Variants in CENPU observed in about 807,000 individuals in gnomAD.
CENPU encodes the protein centromere protein U.
A neutral mutation model predicts 56.7 loss-of-function variants in CENPU; 46 were observed. The observed-to-expected ratio is 0.81, with a 90% CI of 0.64 to 1.04. CENPU has a LOEUF of 1.04. Ranked by LOEUF, CENPU falls within the 50% of genes least tolerant of loss-of-function variation. The pLI is 0.00. For missense variants in CENPU, 510 were observed against 490.1 expected (o/e 1.04, Z -0.38); for synonymous variants, 166 against 163.0 (o/e 1.02, Z -0.14).
chr4:184,726,988 G>C (rs58694251), intron 3 of CENPU, among the ~76,000 whole-genome samples: 1 of 127,278 alleles, frequency 7.9e-6, no homozygotes, highest in Non-Finnish European at 1.7e-5. Flanking sequence ...GGGGGGGGGC[G>C]CCTGGAATCC....
intron 12 of CENPU, 52 bp downstream of exon 12, chr4:184,697,595 G>A: frequency 6.5e-7 from 1 of 1,541,772 alleles, no homozygotes; most frequent in Non-Finnish European, 8.9e-7. Context: ...GCATGAAAAT[G>A]CCCTCCCACA....
At position 184,694,363 on chromosome 4, in the gene CENPU, T is replaced by G; in HGVS notation, c.*925A>C. On this transcript the variant is annotated 3_prime_UTR_variant, in exon 13 of 13. Transcript: ENST00000281453. ...AGCAACGTTTGAATCAGTGCACTCATTCCCACGGTGAGATATCGGAGACAG... is the reference window on the plus strand; with the variant it reads ...AGCAACGTTTGAATCAGTGCACTCAGTCCCACGGTGAGATATCGGAGACAG... 1 of 1,407,788 alleles carries G rather than the reference T, an allele frequency of 7.1e-7. No individual in the cohort carries two copies. The highest frequency in any genetic ancestry group is 2.4e-4 in the Middle Eastern group (1 of 4,198). The allele number at this position is 1,407,788 out of a possible 1,614,324, so 87.2% of individuals were successfully genotyped here. A position where few individuals can be genotyped will look rare whatever the true frequency, so the allele number is the denominator to read the frequency against.
At chr4:184,706,450 A>C (rs1195974557) in intron 8 of CENPU, among the ~76,000 whole-genome samples, 2 of 152,248 alleles carry the variant, frequency 1.3e-5, no homozygotes, top group African/African-American at 4.8e-5. Context: ...GATGGTCTAC[A>C]CAAGACAGCT....
chr4:184,702,733 C>T (rs941806748), intron 8 of CENPU, among the ~76,000 whole-genome samples: 1 of 152,120 alleles, frequency 6.6e-6, no homozygotes, highest in African/African-American at 2.4e-5. Context: ...GTCTCTCTTC[C>T]CTCTAGGAGT....
At chr4:184,704,433 T>C (rs557414891) in intron 8 of CENPU, among the ~76,000 whole-genome samples, 68 of 152,148 alleles carry the variant, frequency 4.5e-4, no homozygotes, top group African/African-American at 1.6e-3. Context: ...AGGCAACACA[T>C]CATATAGCCG....
chr4:184,711,131 C>T lies in CENPU; in HGVS notation c.689-951G>A, dbSNP rs60342752. Among the ~76,000 whole-genome samples the T allele has an allele frequency of 7.3e-3, 1,109 of 152,120 alleles. 16 individuals are homozygous for T. The highest frequency in any genetic ancestry group is 0.025 in the African/African-American group (1,050 of 41,456). On this transcript the variant is annotated intron_variant, in intron 7 of 12. Transcript: ENST00000281453. ...TCAGCCTCCCAAAGTGCTGGGATTA[C>T]GGGTGCACCCACCATGCCCGGCCCC...
chr4:184,720,088 G>A (rs1447610954), intron 4 of CENPU, among the ~76,000 whole-genome samples: 1 of 152,204 alleles, frequency 6.6e-6, no homozygotes, highest in Admixed American at 6.5e-5. Flanking sequence ...CTTCTAGACA[G>A]AGAATTCAAA....
chr4:184,702,436 C>CT lies in CENPU; in HGVS notation c.802dup (p.Arg268LysfsTer5). The CT allele has an allele frequency of 4.4e-6, 7 of 1,607,694 alleles. No individual in the cohort carries two copies. Among genetic ancestry groups the CT allele is most frequent in the Non-Finnish European group, 5.9e-6 (7 of 1,177,710 alleles). On this transcript the variant is annotated frameshift_variant, in exon 9 of 13. Transcript: ENST00000281453. LOFTEE classifies it high-confidence loss of function. ...TGCCTTACAAACTTTAGATTCTATT[C>CT]TTTGTCTGTAGAGGAATTAAAAAAA...
intron 8 of CENPU, 126 bp from the exon 9 acceptor site, chr4:184,702,567 T>A: frequency 1.7e-6 from 1 of 579,320 alleles, no homozygotes; most frequent in East Asian, 3.1e-5. Context: ...TAAAAATATC[T>A]TTAATCTCTT....
At chr4:184,696,376 A>G (rs1341446174) in intron 12 of CENPU, among the ~76,000 whole-genome samples, 1 of 152,200 alleles carries the variant, frequency 6.6e-6, no homozygotes, top group Non-Finnish European at 1.5e-5. Flanking sequence ...AGCTCACTCT[A>G]AGAACAGGAC....
chr4:184,733,974 C>T, intron 1 of CENPU, 42 bp downstream of exon 1: 1 of 1,611,204 alleles, frequency 6.2e-7, no homozygotes, highest in South Asian at 1.1e-5. Flanking sequence ...GCAGTTCAAG[C>T]TGGTCTCCGG....
intron 8 of CENPU, among the ~76,000 whole-genome samples, chr4:184,705,385 A>G (rs1187659042): frequency 6.6e-6 from 1 of 152,162 alleles, no homozygotes; most frequent in Non-Finnish European, 1.5e-5. Flanking sequence ...AGAAATGGAG[A>G]ACGGGTTAGT....
At chr4:184,706,722 T>C (rs1760740870) in intron 8 of CENPU, among the ~76,000 whole-genome samples, 1 of 152,254 alleles carries the variant, frequency 6.6e-6, no homozygotes, top group Non-Finnish European at 1.5e-5. Context: ...GAGAACACCA[T>C]ATTGTCAAGG....
At chr4:184,705,179 C>T (rs767910172) in intron 8 of CENPU, among the ~76,000 whole-genome samples, 3 of 152,136 alleles carry the variant, frequency 2.0e-5, no homozygotes, top group Non-Finnish European at 4.4e-5. Flanking sequence ...AACCCAAATT[C>T]CTTCAATGGG....
At chr4:184,705,799 T>G (rs1241754412) in intron 8 of CENPU, among the ~76,000 whole-genome samples, 5 of 152,212 alleles carry the variant, frequency 3.3e-5, no homozygotes, top group African/African-American at 9.6e-5. Context: ...GAAATTCTGA[T>G]GCAAGCTATC....
At chr4:184,700,786 G>A (rs1022825982) in intron 11 of CENPU, 34 bp downstream of exon 11, 2 of 1,570,042 alleles carry the variant, frequency 1.3e-6, no homozygotes, top group Non-Finnish European at 1.8e-6. Flanking sequence ...ATCCTTTTAG[G>A]TAAGTGCTCA....
At chr4:184,715,988 A>T (rs1321768344) in intron 6 of CENPU, among the ~76,000 whole-genome samples, 1 of 150,306 alleles carries the variant, frequency 6.7e-6, no homozygotes, top group East Asian at 2.0e-4. Context: ...GCTGGAGTGC[A>T]ATGGCGCAAT....
chr4:184,694,150 A>T lies in CENPU; in HGVS notation c.*1138T>A. ...CGATTTGCTAAATACTTTAAAATTTAAAGCATGGGTACTAAGTCCATTGTC... is the reference window on the plus strand; with the variant it reads ...CGATTTGCTAAATACTTTAAAATTTTAAGCATGGGTACTAAGTCCATTGTC... On this transcript the variant is annotated 3_prime_UTR_variant, in exon 13 of 13. Transcript: ENST00000281453. 2.3e-6 allele frequency: 2 copies of T among 878,890 alleles called. No homozygotes were observed. Among genetic ancestry groups the T allele is most frequent in the Non-Finnish European group, 2.8e-6 (2 of 726,636 alleles). 54.4% of individuals were successfully genotyped at this position (878,890 alleles called of 1,614,324 possible).
intron 4 of CENPU, among the ~76,000 whole-genome samples, chr4:184,721,992 A>G (rs1211063099): frequency 6.6e-6 from 1 of 152,256 alleles, no homozygotes; most frequent in Non-Finnish European, 1.5e-5. Flanking sequence ...AGACCACGTG[A>G]TAGGTCACAA....
Sources: gnomAD v4.1 joint callset for allele counts (sites outside exome capture counted in the v4.1 genomes callset) on GRCh38, gnomAD v4.1.1 for gene constraint, MANE v1.5 for transcripts, NCBI Gene and HGNC (gene_info 2026-07-23, HGNC 2026-07-21) for gene names.